Variants in CSMD3 observed in about 807,000 individuals in gnomAD.
CSMD3 encodes the protein CUB and sushi domain-containing protein 3.
Under a neutral mutation model 435.2 loss-of-function variants are expected in CSMD3, and 177 were observed. The ratio of observed to expected loss-of-function variants is 0.41; its 90% confidence interval spans 0.36 to 0.46. The LOEUF (loss-of-function observed/expected upper bound fraction) is 0.46. Ranked by LOEUF, CSMD3 falls within the 20% of genes least tolerant of loss-of-function variation. The pLI, the probability that CSMD3 is intolerant of heterozygous loss-of-function variation, is 0.34. For missense variants in CSMD3, 4,265 were observed against 4,504.6 expected (o/e 0.95, Z 1.52); for synonymous variants, 1,656 against 1,520.5 (o/e 1.09, Z -2.07).
chr8:112,370,606 A>C (rs1828296633), intron 38 of CSMD3, among the ~76,000 whole-genome samples: 1 of 152,080 alleles, frequency 6.6e-6, no homozygotes, highest in Non-Finnish European at 1.5e-5. Flanking sequence ...CTTACCAGTA[A>C]GGTTTATTCC....
intron 4 of CSMD3, among the ~76,000 whole-genome samples, chr8:113,118,173 A>AT (rs1452024709): frequency 6.6e-6 from 1 of 152,118 alleles, no homozygotes; most frequent in Non-Finnish European, 1.5e-5. Flanking sequence ...TATGTAATAG[A>AT]TTTTTTTACC....
chr8:112,472,442 A>G (rs1586437486), intron 32 of CSMD3, 149 bp downstream of exon 32: 3 of 638,656 alleles, frequency 4.7e-6, no homozygotes, highest in East Asian at 5.5e-5. Flanking sequence ...TCAAAATTGT[A>G]TTATTACAAA....
At chr8:112,855,785 C>A (rs1237107314) in intron 11 of CSMD3, among the ~76,000 whole-genome samples, 1 of 150,364 alleles carries the variant, frequency 6.7e-6, no homozygotes, top group East Asian at 2.0e-4. Context: ...GGATATGATT[C>A]CCTTCAAATA....
At chr8:112,890,991 AATAC>A (rs1432220731) in intron 10 of CSMD3, among the ~76,000 whole-genome samples, 5 of 151,806 alleles carry the variant, frequency 3.3e-5, no homozygotes, top group African/African-American at 1.2e-4. Context: ...ATCTCTATGA[AATAC>A]ATACATCTAT....
intron 13 of CSMD3, among the ~76,000 whole-genome samples, chr8:112,782,010 T>C (rs1360818776): frequency 6.6e-6 from 1 of 152,106 alleles, no homozygotes; most frequent in African/African-American, 2.4e-5. Context: ...TTGCAATAAA[T>C]ACCTAACTCT....
Position 112,771,489 on chromosome 8 carries a change from A to T in CSMD3, c.1972+28673T>A, listed in dbSNP as rs189395323. Among the ~76,000 whole-genome samples the T allele has an allele frequency of 3.3e-5, 5 of 152,180 alleles. No individual in the cohort carries two copies. The East Asian group carries it at 7.8e-4, about 24-fold the overall frequency. On this transcript the variant is annotated intron_variant, in intron 13 of 70. Coordinates refer to ENST00000297405, the MANE Select transcript of CSMD3 (RefSeq NM_198123.2). The stretch of plus-strand genomic sequence containing the variant: ...AGGAGGTGGAGGTTGCAGTGAGCCA[A>T]GATCGTGCCAACGCACTCCAGCCTG...
chr8:112,691,278 C>CT (rs922567050), intron 13 of CSMD3, among the ~76,000 whole-genome samples: 9 of 152,100 alleles, frequency 5.9e-5, no homozygotes, highest in Admixed American at 1.3e-4. Flanking sequence ...TTTTCTTAGA[C>CT]TTTTTTTATC....
chr8:112,225,536 T>C (rs1812483581), intron 70 of CSMD3, among the ~76,000 whole-genome samples: 2 of 152,188 alleles, frequency 1.3e-5, no homozygotes, highest in South Asian at 4.1e-4. Flanking sequence ...ACAAAGCATC[T>C]TTTAGGAGGT....
At chr8:112,924,898 G>T (rs1328384610) in intron 9 of CSMD3, among the ~76,000 whole-genome samples, 1 of 152,084 alleles carries the variant, frequency 6.6e-6, no homozygotes, top group African/African-American at 2.4e-5. Flanking sequence ...ACTACACAGT[G>T]TCTATCACAT....
At chr8:112,977,010 A>C (rs1431285618) in intron 6 of CSMD3, among the ~76,000 whole-genome samples, 2 of 152,000 alleles carry the variant, frequency 1.3e-5, no homozygotes, top group African/African-American at 4.8e-5. Flanking sequence ...ATTCTAATTA[A>C]ATATTTTTTA....
At chr8:113,405,339 A>G (rs1399702153) in intron 1 of CSMD3, among the ~76,000 whole-genome samples, 1 of 151,576 alleles carries the variant, frequency 6.6e-6, no homozygotes, top group African/African-American at 2.4e-5. Flanking sequence ...GCAGACATGG[A>G]CAAATTTCCT....
At chr8:113,263,787 A>G (rs747805728) in intron 3 of CSMD3, among the ~76,000 whole-genome samples, 1 of 151,860 alleles carries the variant, frequency 6.6e-6, no homozygotes, top group Non-Finnish European at 1.5e-5. Context: ...GGTATATTGA[A>G]AACATTTTAC....
chr8:113,132,777 G>A (rs2091316717), intron 4 of CSMD3, among the ~76,000 whole-genome samples: 1 of 152,134 alleles, frequency 6.6e-6, no homozygotes, highest in Admixed American at 6.6e-5. Flanking sequence ...ATGAGACTGT[G>A]CATTGGGAAT....
intron 6 of CSMD3, among the ~76,000 whole-genome samples, chr8:112,993,037 A>T (rs2085513553): frequency 6.6e-6 from 1 of 151,822 alleles, no homozygotes; most frequent in South Asian, 2.1e-4. Context: ...AAGTAAATAC[A>T]TCAGACCAGA....
At chr8:113,150,239 G>A (rs2091775541) in intron 4 of CSMD3, among the ~76,000 whole-genome samples, 1 of 151,920 alleles carries the variant, frequency 6.6e-6, no homozygotes, top group East Asian at 1.9e-4. Flanking sequence ...ATGGCAAAAG[G>A]GTTTTGTAGG....
intron 3 of CSMD3, among the ~76,000 whole-genome samples, chr8:113,187,434 C>T (rs1470558581): frequency 6.6e-6 from 1 of 151,944 alleles, no homozygotes; most frequent in Non-Finnish European, 1.5e-5. Context: ...GGAGTTGTAA[C>T]AAGAGGTGAC....
intron 22 of CSMD3, among the ~76,000 whole-genome samples, chr8:112,632,808 A>T (rs1466092840): frequency 2.0e-5 from 3 of 151,694 alleles, no homozygotes; most frequent in African/African-American, 7.3e-5. Flanking sequence ...GTAGTTTTTA[A>T]TTTTTTTATT....
At chr8:112,579,541 G>A (rs578155060) in intron 23 of CSMD3, among the ~76,000 whole-genome samples, 1 of 151,982 alleles carries the variant, frequency 6.6e-6, no homozygotes, top group South Asian at 2.1e-4. Flanking sequence ...TATATGTATT[G>A]CTCTTGTTTT....
chr8:112,629,898 A>G (rs895538631), intron 22 of CSMD3, among the ~76,000 whole-genome samples: 2 of 152,136 alleles, frequency 1.3e-5, no homozygotes, highest in African/African-American at 2.4e-5. Flanking sequence ...ATAAAACTTC[A>G]TCTTCCTCGC....
Sources: allele counts gnomAD v4.1 joint callset (sites outside exome capture counted in the v4.1 genomes callset), GRCh38; gene constraint gnomAD v4.1.1; transcripts MANE v1.5; gene names NCBI Gene and HGNC (gene_info 2026-07-23, HGNC 2026-07-21).